The following ST3GAL1 variants were observed in gnomAD, a reference collection of about 807,000 sequenced individuals.
ST3GAL1 encodes ST3 beta-galactoside alpha-2,3-sialyltransferase 1, also known as CMP-N-acetylneuraminate-beta-galactosamide-alpha-2,3-sialyltransferase 1.
Under a neutral mutation model 34.1 loss-of-function variants are expected in ST3GAL1, and 16 were observed. The ratio of observed to expected loss-of-function variants is 0.47; its 90% CI spans 0.32 to 0.71. ST3GAL1 has a LOEUF of 0.71. Ranked by LOEUF, ST3GAL1 falls within the 30% of genes least tolerant of loss-of-function variation. The probability of loss-of-function intolerance (pLI) is 0.04; values close to 1 mark genes in which losing one functional copy is unlikely to be tolerated. For synonymous variants in ST3GAL1, 191 were observed against 184.7 expected (o/e 1.03, Z -0.28); for missense variants, 353 against 447.4 (o/e 0.79, Z 1.90).
chr8:133,521,413 C>T (rs1817805100), intron 2 of ST3GAL1, among the ~76,000 whole-genome samples: 1 of 152,206 alleles, frequency 6.6e-6, no homozygotes, highest in East Asian at 1.9e-4. Flanking sequence ...ATTCTCCTGC[C>T]TCAGCCTCCT....
chr8:133,539,250 C>A (rs140513566), intron 2 of ST3GAL1, among the ~76,000 whole-genome samples: 3 of 152,314 alleles, frequency 2.0e-5, no homozygotes, highest in Non-Finnish European at 2.9e-5. Context: ...AGCACAAGGA[C>A]TCAGAGGATC....
chr8:133,479,338 G>C (rs1009026391), intron 3 of ST3GAL1, among the ~76,000 whole-genome samples: 2 of 152,074 alleles, frequency 1.3e-5, no homozygotes, highest in African/African-American at 4.8e-5. Flanking sequence ...GGAGTGGGTG[G>C]GGGGTGAGGG....
intron 3 of ST3GAL1, among the ~76,000 whole-genome samples, chr8:133,494,544 T>G (rs1038777152): frequency 3.3e-5 from 5 of 152,202 alleles, no homozygotes; most frequent in African/African-American, 1.2e-4. Context: ...TCTCCTGGCC[T>G]CTTCCATGCT....
chr8:133,516,273 T>A (rs963412477), intron 2 of ST3GAL1: 5 of 152,220 alleles, frequency 3.3e-5, no homozygotes, highest in Admixed American at 1.3e-4. Context: ...TCTCCCTCCA[T>A]GGGGCATGCC....
rs1283487275 is a variant in ST3GAL1 at position 133,556,327 on chromosome 8, C to T, written c.-581-10401G>A. On this transcript the variant is annotated intron_variant, in intron 1 of 9. Transcript: ENST00000522652. The surrounding 1 kb of genome is among the most constrained non-coding windows in gnomAD (Gnocchi z 8.9). The stretch of plus-strand genomic sequence containing the variant: ...GATCTCACCACTGATCAACAGCAGG[C>T]CTGGTGACTCCAGAGCCTGTCTTCT... Among the ~76,000 whole-genome samples the T allele has an allele frequency of 6.6e-6, 1 of 152,218 alleles. No individual in the cohort carries two copies. Among genetic ancestry groups the T allele is most frequent in the African/African-American group, 2.4e-5 (1 of 41,456 alleles).
chr8:133,543,992 C>A (rs1818607015), intron 2 of ST3GAL1: 1 of 152,154 alleles, frequency 6.6e-6, no homozygotes, highest in Admixed American at 6.5e-5. Flanking sequence ...GCTTGAAGAC[C>A]AACCAAAAGA....
At chr8:133,483,056 C>T (rs1409235367) in intron 3 of ST3GAL1, among the ~76,000 whole-genome samples, 7 of 152,122 alleles carry the variant, frequency 4.6e-5, no homozygotes, top group South Asian at 2.1e-4. Context: ...AAAATGCTCA[C>T]GCAGGCCGGG....
At chr8:133,507,645 C>A (rs1331263435) in intron 2 of ST3GAL1, among the ~76,000 whole-genome samples, 1 of 152,200 alleles carries the variant, frequency 6.6e-6, no homozygotes, top group East Asian at 1.9e-4. Flanking sequence ...CGTATTGTTT[C>A]TTTCTTCTCC....
chr8:133,491,869 C>G (rs1258554406), intron 3 of ST3GAL1, among the ~76,000 whole-genome samples: 1 of 152,172 alleles, frequency 6.6e-6, no homozygotes, highest in Non-Finnish European at 1.5e-5. Context: ...CAGGCTCAGC[C>G]CCACCCCCAT....
rs139813732 is a variant in ST3GAL1, at chr8:133,464,829, G to A, written c.632C>T (p.Thr211Ile). The change falls in exon 7 of 10, where the codon ACC becomes ATC. Residue 211 changes from threonine (T) to isoleucine (I), a missense_variant. Transcript: ENST00000522652. ...GCTCACCACCCACTCCAAGTCGATG[G>A]TCTTGAAGGGCACCAGGATCATGCT... ...NVSMILVPFK[T>I]IDLEWVVSAI... The A allele has an allele frequency of 6.2e-7, 1 of 1,614,020 alleles. No individual in the cohort carries two copies. Among genetic ancestry groups the A allele is most frequent in the Non-Finnish European group, 8.5e-7 (1 of 1,179,928 alleles).
intron 5 of ST3GAL1, among the ~76,000 whole-genome samples, chr8:133,472,592 A>G (rs1351217718): frequency 6.6e-6 from 1 of 152,214 alleles, no homozygotes; most frequent in African/African-American, 2.4e-5. Context: ...CAGATATTCC[A>G]TGCCTGTATC....
At chr8:133,474,906 C>T (rs1421829974) in intron 5 of ST3GAL1, among the ~76,000 whole-genome samples, 1 of 152,182 alleles carries the variant, frequency 6.6e-6, no homozygotes, top group Non-Finnish European at 1.5e-5. Context: ...CCCCTCCCAG[C>T]CAGAATAAAA....
chr8:133,557,576 G>A (rs1056426026), intron 1 of ST3GAL1, among the ~76,000 whole-genome samples: 5 of 152,096 alleles, frequency 3.3e-5, no homozygotes, highest in South Asian at 4.1e-4. Flanking sequence ...AAGAGGCCGT[G>A]GTCTGACTCA....
At chr8:133,530,291 T>A (rs9942832) in intron 2 of ST3GAL1, among the ~76,000 whole-genome samples, 19 of 59,934 alleles carry the variant, frequency 3.2e-4, no homozygotes, top group Admixed American at 3.4e-4. Context: ...TTTTTATTTT[T>A]TTTTTTTGAG....
chr8:133,461,281 G>A lies in ST3GAL1; in HGVS notation c.849+594C>T, dbSNP rs1234942074. On this transcript the variant is annotated intron_variant, in intron 9 of 9. Transcript: ENST00000522652. This position sits in a 1 kb window ranked among gnomAD's most constrained non-coding sequence, Gnocchi z 4.7. ...AACCCAACATCAGGGAGGAAGTGGGGGCTGTGTGGCCTGCCCTCCTGCCCC... is the reference window on the plus strand; with the variant it reads ...AACCCAACATCAGGGAGGAAGTGGGAGCTGTGTGGCCTGCCCTCCTGCCCC... 1.3e-5 allele frequency among the ~76,000 whole-genome samples: 2 copies of A among 152,310 alleles called. No homozygotes were observed. The highest frequency in any genetic ancestry group is 2.1e-4 in the South Asian group (1 of 4,830).
intron 2 of ST3GAL1, among the ~76,000 whole-genome samples, chr8:133,541,159 T>G (rs1368885875): frequency 2.9e-5 from 2 of 69,756 alleles, no homozygotes; most frequent in African/African-American, 5.8e-5. Flanking sequence ...AGAGACTGTG[T>G]GTCTCTCCCT....
At chr8:133,559,289 G>A (rs1167098727) in intron 1 of ST3GAL1, among the ~76,000 whole-genome samples, 1 of 152,106 alleles carries the variant, frequency 6.6e-6, no homozygotes, top group Non-Finnish European at 1.5e-5. Context: ...ACTTACTGTG[G>A]TCCAAGGATC....
rs1217707651 is a variant in ST3GAL1 at position 133,459,811 on chromosome 8, C to T, written c.976G>A (p.Ala326Thr). ...ATTTTATTGATGGAGGCCAAGGTGG[C>T]CGTCACGTTAGACTCAAAGTCTGCA... ...HDADFESNVT[A>T]TLASINKIRI... The change falls in exon 10 of 10, where the codon GCC (alanine) becomes ACC (threonine). Residue 326 changes from alanine (A) to threonine (T), a missense_variant. Transcript: ENST00000522652. The surrounding 1 kb of genome is among the most constrained non-coding windows in gnomAD (Gnocchi z 4.7). 2.5e-6 allele frequency: 4 copies of T among 1,613,666 alleles called. No homozygotes were observed. The highest frequency in any genetic ancestry group is 3.4e-6 in the Non-Finnish European group (4 of 1,179,802).
At position 133,461,772 on chromosome 8, in the gene ST3GAL1, G is replaced by A. The variant is rs955296059; in HGVS notation, c.849+103C>T. ...AGACAGGGAATCCGAGCTTCCGGAA[G>A]AGGCAGGCTAGGTCTACCTGCCCTC... On this transcript the variant is annotated intron_variant, in intron 9 of 9. Coordinates refer to ENST00000522652, the MANE Select transcript of ST3GAL1 (RefSeq NM_173344.3). This position sits in a 1 kb window ranked among gnomAD's most constrained non-coding sequence, Gnocchi z 4.7. 1 of 1,507,624 alleles carries A rather than the reference G, an allele frequency of 6.6e-7. No individual in the cohort carries two copies. Among genetic ancestry groups the A allele is most frequent in the South Asian group, 1.2e-5 (1 of 80,414 alleles). 93.4% of individuals were successfully genotyped at this position (1,507,624 alleles called of 1,614,324 possible).
Sources: gnomAD v4.1 joint callset for allele counts (sites outside exome capture counted in the v4.1 genomes callset) on GRCh38, gnomAD v4.1.1 for gene constraint, Gnocchi (gnomAD v3.1) non-coding constraint, MANE v1.5 for transcripts, NCBI Gene and HGNC (gene_info 2026-07-23, HGNC 2026-07-21) for gene names.